FAM135B: variants seen among roughly 807,000 people sequenced by gnomAD.
FAM135B encodes the protein protein FAM135B.
FAM135B carries 43 observed loss-of-function variants against 127.7 expected under a neutral mutation model. The observed-to-expected ratio is 0.34, with a 90% CI of 0.26 to 0.43. The LOEUF (loss-of-function observed/expected upper bound fraction) is 0.43. Ranked by LOEUF, FAM135B falls within the 20% of genes least tolerant of loss-of-function variation. The pLI, the probability that FAM135B is intolerant of heterozygous loss-of-function variation, is 1.00. For missense variants in FAM135B, 1,558 were observed against 1,725.6 expected (o/e 0.90, Z 1.72); for synonymous variants, 670 against 665.1 (o/e 1.01, Z -0.11).
chr8:138,280,609 G>A (rs375175140), intron 3 of FAM135B, among the ~76,000 whole-genome samples: 2 of 152,234 alleles, frequency 1.3e-5, no homozygotes, highest in East Asian at 1.9e-4. Context: ...TAGTGCTGTG[G>A]TTCATCCCAG....
intron 1 of FAM135B, among the ~76,000 whole-genome samples, chr8:138,376,279 C>A (rs1831465747): frequency 6.6e-6 from 1 of 152,156 alleles, no homozygotes; most frequent in African/African-American, 2.4e-5. Context: ...CTCACAAAGA[C>A]AATTAGTTGT....
chr8:138,145,832 T>A (rs1817605369), intron 15 of FAM135B, 127 bp downstream of exon 15: 1 of 576,726 alleles, frequency 1.7e-6, no homozygotes, highest in African/African-American at 1.9e-5. Flanking sequence ...TCCAAATGCC[T>A]GGCCAGCATC....
chr8:138,333,592 A>G (rs964735277), intron 2 of FAM135B, among the ~76,000 whole-genome samples: 1 of 152,150 alleles, frequency 6.6e-6, no homozygotes, highest in Non-Finnish European at 1.5e-5. Flanking sequence ...CTTGATTTCC[A>G]GGCAGGTTTT....
At chr8:138,273,265 G>T (rs1823527140) in intron 3 of FAM135B, among the ~76,000 whole-genome samples, 1 of 152,192 alleles carries the variant, frequency 6.6e-6, no homozygotes, top group African/African-American at 2.4e-5. Context: ...GAGTGCAGTG[G>T]CGTGATCTTG....
At chr8:138,140,974 C>A (rs1260362925) in intron 17 of FAM135B, among the ~76,000 whole-genome samples, 1 of 151,996 alleles carries the variant, frequency 6.6e-6, no homozygotes, top group Non-Finnish European at 1.5e-5. Context: ...CTTTTTTTCA[C>A]AGAAATTTGA....
At position 138,152,626 on chromosome 8, in the gene FAM135B, T is replaced by C. The variant is rs2130776251; in HGVS notation, c.1849A>G (p.Thr617Ala). The C allele has an allele frequency of 6.2e-7, 1 of 1,613,968 alleles. No individual in the cohort carries two copies. The highest frequency in any genetic ancestry group is 8.5e-7 in the Non-Finnish European group (1 of 1,179,986). The change falls in exon 13 of 20, where the codon ACT becomes GCT. Residue 617 changes from threonine to alanine, a missense_variant. Transcript: ENST00000395297. ...TCTTGATCTATTCCCTTTCCTAGAG[T>C]ACTTAATTCATGGAGAGTTGTTTTG... is the stretch of plus-strand genomic sequence containing the variant. ...SDKTTLHELS[T>A]LGKGIDQEGK...
At chr8:138,371,816 T>C (rs1043631079) in intron 1 of FAM135B, among the ~76,000 whole-genome samples, 8 of 152,212 alleles carry the variant, frequency 5.3e-5, no homozygotes, top group African/African-American at 1.9e-4. Context: ...CTACAACCAG[T>C]GCCACCCACC....
At chr8:138,445,790 G>T (rs1836116771) in intron 1 of FAM135B, among the ~76,000 whole-genome samples, 1 of 152,164 alleles carries the variant, frequency 6.6e-6, no homozygotes. Flanking sequence ...CATAGTGTTG[G>T]AAGTTCTGGC....
chr8:138,329,246 C>A (rs548584210), intron 2 of FAM135B, among the ~76,000 whole-genome samples: 2 of 152,308 alleles, frequency 1.3e-5, no homozygotes, highest in East Asian at 3.9e-4. Flanking sequence ...CAAACACACT[C>A]ACCAACTGTT....
intron 1 of FAM135B, among the ~76,000 whole-genome samples, chr8:138,448,457 G>T (rs973484026): frequency 3.3e-5 from 5 of 152,158 alleles, no homozygotes; most frequent in African/African-American, 1.2e-4. Context: ...CACCAGATTA[G>T]ATCATAAGAG....
intron 4 of FAM135B, 107 bp from the exon 5 acceptor site, chr8:138,256,866 A>C (rs1822137775): frequency 1.2e-6 from 1 of 811,402 alleles, no homozygotes; most frequent in South Asian, 1.5e-5. Context: ...TTGTCCAAAA[A>C]TCAATGTCAT....
At chr8:138,193,449 A>G (rs1360882378) in intron 9 of FAM135B, among the ~76,000 whole-genome samples, 1 of 152,116 alleles carries the variant, frequency 6.6e-6, no homozygotes, top group African/African-American at 2.4e-5. Context: ...AAGGAAAGAG[A>G]GTGGGCGTAT....
intron 5 of FAM135B, 147 bp downstream of exon 5, chr8:138,256,541 AC>A: frequency 1.5e-6 from 1 of 650,140 alleles, no homozygotes; most frequent in Non-Finnish European, 2.7e-6. Context: ...CTTAGCCCGC[AC>A]CCCTGAGTCA....
At chr8:138,250,776 C>T (rs1821636844) in intron 6 of FAM135B, 65 bp downstream of exon 6, 1 of 1,570,902 alleles carries the variant, frequency 6.4e-7, no homozygotes, top group Non-Finnish European at 8.7e-7. Flanking sequence ...AAACTCCCTG[C>T]CCCTCTACCA....
chr8:138,230,834 T>C (rs1331829596), intron 7 of FAM135B, among the ~76,000 whole-genome samples: 1 of 152,132 alleles, frequency 6.6e-6, no homozygotes, highest in Non-Finnish European at 1.5e-5. Flanking sequence ...AGTTGGTAGT[T>C]TCCTTGACAA....
intron 1 of FAM135B, among the ~76,000 whole-genome samples, chr8:138,414,119 C>CATATATATATATATAT (rs60918986): frequency 0.017 from 2,076 of 124,512 alleles, 52 homozygotes; most frequent in Admixed American, 0.022. Context: ...CACACAAATA[C>CATATATATATATATAT]ATATATATAT....
At chr8:138,290,990 C>T (rs988870340) in intron 3 of FAM135B, among the ~76,000 whole-genome samples, 23 of 152,142 alleles carry the variant, frequency 1.5e-4, no homozygotes, top group African/African-American at 5.1e-4. Context: ...TGCTGCCTGC[C>T]ATAGATGAGT....
chr8:138,214,884 A>C (rs760455386), intron 7 of FAM135B, among the ~76,000 whole-genome samples: 1 of 152,168 alleles, frequency 6.6e-6, no homozygotes, highest in African/African-American at 2.4e-5. Flanking sequence ...ATCAGAAAAA[A>C]ATAAGTAAGT....
chr8:138,160,224 T>G (rs1219747756), intron 12 of FAM135B, among the ~76,000 whole-genome samples: 1 of 152,070 alleles, frequency 6.6e-6, no homozygotes, highest in Non-Finnish European at 1.5e-5. Flanking sequence ...ACTTGTATAA[T>G]AAAAATGCGA....
Sources: gnomAD v4.1 joint callset for allele counts (sites outside exome capture counted in the v4.1 genomes callset) on GRCh38, gnomAD v4.1.1 for gene constraint, MANE v1.5 for transcripts, NCBI Gene and HGNC (gene_info 2026-07-23, HGNC 2026-07-21) for gene names.